The following SCML2 variants were observed in gnomAD, a reference collection of about 807,000 sequenced individuals.
SCML2 encodes the protein sex comb on midleg-like protein 2.
A neutral mutation model predicts 48.4 loss-of-function variants in SCML2; 6 were observed. The ratio of observed to expected loss-of-function variants is 0.12; its 90% CI spans 0.07 to 0.24. SCML2 has a LOEUF of 0.24. Ranked by LOEUF, SCML2 falls within the 10% of genes least tolerant of loss-of-function variation. The pLI, the probability that SCML2 is intolerant of heterozygous loss-of-function variation, is 1.00. For synonymous variants in SCML2, 181 were observed against 189.5 expected (o/e 0.95, Z 0.37); for missense variants, 377 against 528.2 (o/e 0.71, Z 2.81).
In SCML2 at chrX:18,258,053, C is replaced by A; in HGVS notation, c.1264G>T (p.Val422Leu). The A allele has an allele frequency of 3.3e-6, 4 of 1,205,037 alleles. No homozygotes were observed. Among genetic ancestry groups the A allele is most frequent in the Non-Finnish European group, 4.5e-6 (4 of 890,434 alleles). Residue 422 changes from valine (V) to leucine (L), a missense_variant, in exon 10 of 15, where the codon GTG becomes TTG. This residue lies in a region of SCML2 where 299 missense variants were observed against 425.5 expected (regional missense o/e 0.70). Coordinates refer to ENST00000251900, the MANE Select transcript of SCML2 (RefSeq NM_006089.3). ...TATTAGATAAGTATACCAGTTATCA[C>A]TTCTCCTCCACGATTATCTGGCTTC... ...YLKPDNRGGEVITASFDGETH... is the reference protein window; with the variant it reads ...YLKPDNRGGELITASFDGETH...
chrX:18,314,890 A>C (rs1183336554), intron 6 of SCML2, among the ~76,000 whole-genome samples: 1 of 110,480 alleles, frequency 9.1e-6, no homozygotes, highest in Non-Finnish European at 1.9e-5. Context: ...GGGGTTCGAG[A>C]CCAGACTGGC....
rs745603435 is a variant in SCML2 at position 18,316,090 on chromosome X, T to C, written c.486+4242A>G. ...GATTCTAAGAAGAAAAGAAATCCAATAGAAAAACAGTCAAAGGGCCAAGCA... is the reference window on the plus strand; with the variant it reads ...GATTCTAAGAAGAAAAGAAATCCAACAGAAAAACAGTCAAAGGGCCAAGCA... On this transcript the variant is annotated intron_variant, in intron 6 of 14. Coordinates refer to ENST00000251900, the MANE Select transcript of SCML2 (RefSeq NM_006089.3). 1.5e-4 allele frequency among the ~76,000 whole-genome samples: 17 copies of C among 111,875 alleles called. No individual in the cohort carries two copies. The South Asian group carries it at 2.2e-3, about 15-fold the overall frequency.
At chrX:18,353,950 G>A (rs1241228442) in intron 1 of SCML2, among the ~76,000 whole-genome samples, 1 of 112,665 alleles carries the variant, frequency 8.9e-6, no homozygotes, top group Non-Finnish European at 1.9e-5. Flanking sequence ...CCGCCTCTCC[G>A]CCCCTCAGGA....
chrX:18,248,869 A>T (rs1240755640), intron 11 of SCML2, among the ~76,000 whole-genome samples: 2 of 112,105 alleles, frequency 1.8e-5, no homozygotes. Flanking sequence ...AGATTAGAAA[A>T]AGTCTTCATC....
At chrX:18,249,366 C>T (rs1223420870) in intron 11 of SCML2, among the ~76,000 whole-genome samples, 1 of 111,429 alleles carries the variant, frequency 9.0e-6, no homozygotes, top group Non-Finnish European at 1.9e-5. Flanking sequence ...ATGCGATAAT[C>T]GCTGGAGGGG....
chrX:18,274,347 G>T (rs1927559215), intron 7 of SCML2, among the ~76,000 whole-genome samples: 1 of 111,725 alleles, frequency 9.0e-6, no homozygotes, highest in African/African-American at 3.3e-5. Context: ...AGTGGAGTTT[G>T]CCCCTGCCGG....
At chrX:18,293,158 A>T (rs918247747) in intron 7 of SCML2, among the ~76,000 whole-genome samples, 22 of 112,082 alleles carry the variant, frequency 2.0e-4, no homozygotes, top group Non-Finnish European at 3.8e-4. Flanking sequence ...AGAATGAAAA[A>T]TAATTAGAAA....
intron 13 of SCML2, among the ~76,000 whole-genome samples, chrX:18,244,144 G>GA (rs1223596872): frequency 9.0e-6 from 1 of 111,610 alleles, no homozygotes; most frequent in Admixed American, 9.5e-5. Context: ...TCCACTCAGA[G>GA]AAAAAAATGT....
At chrX:18,308,586 T>C (rs759749101) in intron 6 of SCML2, among the ~76,000 whole-genome samples, 64 of 111,091 alleles carry the variant, frequency 5.8e-4, no homozygotes, top group African/African-American at 2.1e-3. Context: ...CACAATGAGA[T>C]GCCATCTCAC....
chrX:18,297,783 C>T (rs1215587544), intron 7 of SCML2, among the ~76,000 whole-genome samples: 1 of 110,796 alleles, frequency 9.0e-6, no homozygotes, highest in Non-Finnish European at 1.9e-5. Flanking sequence ...AGTCCAGGAG[C>T]CTGGGCAACA....
At chrX:18,267,678 C>T (rs1421951260) in intron 7 of SCML2, among the ~76,000 whole-genome samples, 2 of 108,764 alleles carry the variant, frequency 1.8e-5, no homozygotes, top group South Asian at 8.2e-4. Context: ...CTCCGCCTCC[C>T]GGGTTCATGC....
chrX:18,336,264 C>T (rs1052380271), intron 1 of SCML2, among the ~76,000 whole-genome samples: 3 of 108,280 alleles, frequency 2.8e-5, no homozygotes, highest in African/African-American at 1.0e-4. Context: ...CATGGTGAAA[C>T]CCCGTCTCTA....
intron 9 of SCML2, 38 bp downstream of exon 9, chrX:18,260,133 A>G (rs781356294): frequency 2.0e-6 from 2 of 1,014,366 alleles, no homozygotes; most frequent in East Asian, 6.4e-5. Flanking sequence ...AGGATAAAAG[A>G]TTAGTAATTC....
chrX:18,300,449 C>A (rs1311259544), intron 7 of SCML2, among the ~76,000 whole-genome samples: 1 of 107,128 alleles, frequency 9.3e-6, no homozygotes, highest in South Asian at 4.1e-4. Context: ...ACAAAAACAT[C>A]ATCCACACAA....
chrX:18,280,896 C>A (rs765141167), intron 7 of SCML2, among the ~76,000 whole-genome samples: 1 of 96,972 alleles, frequency 1.0e-5, no homozygotes, highest in Admixed American at 1.1e-4. Flanking sequence ...GACAACCACA[C>A]AATAATACTG....
intron 7 of SCML2, among the ~76,000 whole-genome samples, chrX:18,299,357 A>T (rs894063234): frequency 9.4e-6 from 1 of 106,601 alleles, no homozygotes; most frequent in Admixed American, 1.0e-4. Flanking sequence ...ACTAAAAATA[A>T]AAAAAAAAAA....
At chrX:18,278,214 T>C (rs1927712735) in intron 7 of SCML2, among the ~76,000 whole-genome samples, 1 of 111,423 alleles carries the variant, frequency 9.0e-6, no homozygotes, top group Admixed American at 9.5e-5. Flanking sequence ...GCACCATAAT[T>C]TGGGCAGATC....
At chrX:18,302,401 C>T (rs1368110396) in intron 7 of SCML2, among the ~76,000 whole-genome samples, 1 of 111,243 alleles carries the variant, frequency 9.0e-6, no homozygotes, top group Non-Finnish European at 1.9e-5. Flanking sequence ...TTGACTTCTA[C>T]TACCTATTCC....
chrX:18,317,566 C>T (rs1929164217), intron 6 of SCML2, among the ~76,000 whole-genome samples: 2 of 112,101 alleles, frequency 1.8e-5, no homozygotes, highest in Admixed American at 1.9e-4. Flanking sequence ...GGCGCGGTGG[C>T]TCACGCCTGT....
Sources: gnomAD v4.1 joint callset for allele counts (sites outside exome capture counted in the v4.1 genomes callset) on GRCh38, gnomAD v4.1.1 for gene constraint, gnomAD v4.1.1 regional missense constraint, MANE v1.5 for transcripts, NCBI Gene and HGNC (gene_info 2026-07-23, HGNC 2026-07-21) for gene names.